Variants in WDR93 observed in about 807,000 individuals in gnomAD.
WDR93 encodes WD repeat-containing protein 93.
In WDR93, 73 loss-of-function variants were observed where a neutral mutation model predicts 82.9. That is an observed-to-expected ratio of 0.88 (90% confidence interval 0.73 to 1.07). The LOEUF is 1.07. Among genes scored for constraint, WDR93 ranks in the 50% least tolerant of loss-of-function variants. WDR93 has a pLI of 0.00. For synonymous variants in WDR93, 283 were observed against 300.1 expected (o/e 0.94, Z 0.59); for missense variants, 738 against 826.0 (o/e 0.89, Z 1.31).
chr15:89,725,462 G>GCT (rs1966695401), intron 8 of WDR93, among the ~76,000 whole-genome samples: 1 of 151,774 alleles, frequency 6.6e-6, no homozygotes, highest in Non-Finnish European at 1.5e-5. Context: ...TAAAGGTCAG[G>GCT]AGAGTGGTTG....
rs577117534 is a variant in WDR93 at position 89,730,883 on chromosome 15, C to CA, written c.1211-547dup. ...CCTGGGTGACAGTGAGGCCCTGTCTCAAAAAAAAAAAAATTAATGGAAGCA... is the reference window on the plus strand; with the variant it reads ...CCTGGGTGACAGTGAGGCCCTGTCTCAAAAAAAAAAAAAATTAATGGAAGCA... On this transcript the variant is annotated intron_variant, in intron 11 of 16. Transcript: ENST00000268130. 8.3e-3 allele frequency among the ~76,000 whole-genome samples: 1,167 copies of CA among 140,612 alleles called. 3 individuals carry two copies. The highest frequency in any genetic ancestry group is 0.011 in the African/African-American group (423 of 38,230). 92.2% of individuals were successfully genotyped at this position (140,612 alleles called of 152,430 possible). A position where few individuals can be genotyped will look rare whatever the true frequency, so the allele number is the denominator to read the frequency against.
intron 16 of WDR93, 148 bp downstream of exon 16, chr15:89,738,384 TG>T: frequency 2.1e-6 from 2 of 956,214 alleles, no homozygotes; most frequent in Non-Finnish European, 3.0e-6. Context: ...CCCAGCACTT[TG>T]GGAGTCCGAG....
chr15:89,738,277 T>G (rs1264395996), intron 16 of WDR93, 41 bp downstream of exon 16: 1 of 1,533,744 alleles, frequency 6.5e-7, no homozygotes, highest in Non-Finnish European at 8.8e-7. Flanking sequence ...ACATCTGAGG[T>G]TGTCTCTGGA....
rs772726181 is a variant in WDR93, at chr15:89,733,035, C to T, written c.1360C>T (p.Gln454Ter). Residue 454 changes from glutamine (Q) to a stop codon, truncating the protein, a stop_gained, in exon 13 of 17, where the codon CAG becomes TAG. Transcript: ENST00000268130. LOFTEE classifies it high-confidence loss of function. ...GFPLGVAALP[Q>*]GCFCQSIHFL... ...CCCTCTTGGGGTCGCTGCTCTTCCT[C>T]AGGGATGTTTCTGCCAAAGCATTCA... 1 of 1,614,236 alleles carries T rather than the reference C, an allele frequency of 6.2e-7. No homozygotes were observed. The highest frequency in any genetic ancestry group is 8.5e-7 in the Non-Finnish European group (1 of 1,180,044).
chr15:89,718,796 G>A (rs534088052), intron 7 of WDR93, among the ~76,000 whole-genome samples: 292 of 152,122 alleles, frequency 1.9e-3, no homozygotes, highest in African/African-American at 6.8e-3. Flanking sequence ...TGTATTTTTA[G>A]TAGAGACAGG....
intron 5 of WDR93, among the ~76,000 whole-genome samples, chr15:89,712,396 C>CTTTTTTTTTTTTTTTTTTTTTT (rs1170109589): frequency 1.4e-4 from 11 of 80,512 alleles, no homozygotes; most frequent in African/African-American, 3.3e-4. Flanking sequence ...TTCCACTAAT[C>CTTTTTTTTTTTTTTTTTTTTTT]TTTTTTTTTT....
At chr15:89,693,302 C>G (rs981330362) in intron 1 of WDR93, among the ~76,000 whole-genome samples, 2 of 152,170 alleles carry the variant, frequency 1.3e-5, no homozygotes, top group African/African-American at 4.8e-5. Flanking sequence ...AAGTGGCTAT[C>G]CTATTTTGTA....
At chr15:89,735,337 TTTGGA>T (rs1351510510) in intron 13 of WDR93, among the ~76,000 whole-genome samples, 148 bp from the exon 14 acceptor site, 14 of 152,212 alleles carry the variant, frequency 9.2e-5, no homozygotes, top group African/African-American at 2.7e-4. Context: ...CTAATAGATA[TTTGGA>T]TTGTTCTTAA....
chr15:89,718,382 G>A (rs1179895350), intron 7 of WDR93, among the ~76,000 whole-genome samples: 6 of 152,222 alleles, frequency 3.9e-5, no homozygotes, highest in African/African-American at 1.4e-4. Context: ...GCTGAGGCAG[G>A]AGACTCGCTT....
rs776824082 is a variant in WDR93, at chr15:89,729,073, C to T, written c.1103C>T (p.Pro368Leu). The change falls in exon 10 of 17, where the codon CCG becomes CTG. Residue 368 changes from proline to leucine, a missense_variant. Transcript: ENST00000268130. ...LLPSCLFAMP[P>L]EVKGPSGMAC... ...CCTAGCTGCCTATTTGCAATGCCAC[C>T]GGAAGTCAAGGGCCCCTCAGGTAAA... 1.5e-5 allele frequency: 25 copies of T among 1,613,952 alleles called. No homozygotes were observed. The highest frequency in any genetic ancestry group is 3.3e-5 in the Admixed American group (2 of 59,982).
intron 14 of WDR93, among the ~76,000 whole-genome samples, chr15:89,736,239 G>A (rs547976461): frequency 6.6e-6 from 1 of 152,302 alleles, no homozygotes; most frequent in Non-Finnish European, 1.5e-5. Flanking sequence ...GGAAGCGTGC[G>A]CGGTTGATCC....
intron 1 of WDR93, among the ~76,000 whole-genome samples, chr15:89,695,919 C>T (rs549504728): frequency 1.4e-5 from 2 of 148,018 alleles, no homozygotes; most frequent in African/African-American, 2.5e-5. Flanking sequence ...CAGATTCAAG[C>T]GATTATTGGT....
Position 89,702,004 on chromosome 15 carries a change from C to G in WDR93, c.258C>G (p.Ser86Arg). 1 of 1,612,596 alleles carries G rather than the reference C, an allele frequency of 6.2e-7. No homozygotes were observed. The highest frequency in any genetic ancestry group is 8.5e-7 in the Non-Finnish European group (1 of 1,179,850). The change falls in exon 2 of 17, where the codon AGC becomes AGG. Residue 86 changes from serine (S) to arginine (R), a missense_variant. By Grantham distance (110) the Ser-to-Arg change is moderately radical. Coordinates refer to ENST00000268130, the MANE Select transcript of WDR93 (RefSeq NM_020212.2). ...GAAACGCACTGAGGGAAGCTGAGAG[C>G]AGCCAGATCCAGCCCACCGTCTACC... ...EERNALREAE[S>R]SQIQPTVYPP...
chr15:89,709,875 T>C (rs1420838282), intron 4 of WDR93, among the ~76,000 whole-genome samples: 3 of 150,394 alleles, frequency 2.0e-5, no homozygotes, highest in African/African-American at 7.3e-5. Context: ...AAAAAAATAA[T>C]CAAGGCCGGG....
chr15:89,729,394 A>T (rs1966842122), intron 10 of WDR93, among the ~76,000 whole-genome samples: 1 of 152,140 alleles, frequency 6.6e-6, no homozygotes, highest in Non-Finnish European at 1.5e-5. Flanking sequence ...GATGTTACTT[A>T]AAACACTGAG....
At chr15:89,707,839 G>A (rs1405094889) in intron 4 of WDR93, among the ~76,000 whole-genome samples, 1 of 152,126 alleles carries the variant, frequency 6.6e-6, no homozygotes, top group Non-Finnish European at 1.5e-5. Flanking sequence ...AGGCTTGTAC[G>A]TGAATGTTCA....
At chr15:89,741,053 T>C (rs1328303741) in intron 16 of WDR93, among the ~76,000 whole-genome samples, 1 of 151,980 alleles carries the variant, frequency 6.6e-6, no homozygotes, top group African/African-American at 2.4e-5. Flanking sequence ...GGTAGGAGAA[T>C]TGCTTGAACT....
chr15:89,721,961 C>A, intron 7 of WDR93, 94 bp from the exon 8 acceptor site: 1 of 817,514 alleles, frequency 1.2e-6, no homozygotes, highest in Non-Finnish European at 1.9e-6. Context: ...TTCTTTTTCC[C>A]CTTCTTTTCC....
intron 4 of WDR93, among the ~76,000 whole-genome samples, chr15:89,710,021 GTGC>G (rs1390747885): frequency 1.3e-5 from 2 of 152,050 alleles, no homozygotes; most frequent in African/African-American, 4.8e-5. Context: ...TTAGCCGGGT[GTGC>G]TGGCACGCGC....
Sources: gnomAD v4.1 joint callset for allele counts (sites outside exome capture counted in the v4.1 genomes callset) on GRCh38, gnomAD v4.1.1 for gene constraint, MANE v1.5 for transcripts, NCBI Gene and HGNC (gene_info 2026-07-23, HGNC 2026-07-21) for gene names.